The following GREB1L variants were observed in gnomAD, a reference collection of about 807,000 sequenced individuals.
GREB1L encodes GREB1-like protein.
Under a neutral mutation model 200.8 loss-of-function variants are expected in GREB1L, and 17 were observed. That is an observed-to-expected ratio of 0.08 (90% confidence interval 0.06 to 0.13). GREB1L has a LOEUF of 0.13. GREB1L is among the 10% of genes least tolerant of loss of function. GREB1L has a pLI of 1.00. For synonymous variants in GREB1L, 789 were observed against 893.0 expected, an observed-to-expected ratio of 0.88 and a Z score of 2.08; for missense variants, 1,657 against 2,367.7, an observed-to-expected ratio of 0.70 and a Z score of 6.23.
intron 4 of GREB1L, among the ~76,000 whole-genome samples, chr18:21,388,462 T>C (rs2040635175): frequency 6.6e-6 from 1 of 151,552 alleles, no homozygotes; most frequent in East Asian, 1.9e-4. Flanking sequence ...TTTTTCCTAA[T>C]ATCCTTTTCC....
intron 1 of GREB1L, among the ~76,000 whole-genome samples, chr18:21,326,218 C>T (rs1453813775): frequency 2.0e-5 from 3 of 151,682 alleles, no homozygotes; most frequent in Admixed American, 6.6e-5. Context: ...ATGATACCCA[C>T]GTTTTTGCGA....
intron 2 of GREB1L, among the ~76,000 whole-genome samples, chr18:21,380,962 G>A (rs1371725108): frequency 3.9e-5 from 6 of 152,210 alleles, no homozygotes; most frequent in South Asian, 4.2e-4. Flanking sequence ...AGCCAGGCAC[G>A]CCGGGCGCGG....
chr18:21,440,127 C>T, intron 8 of GREB1L, 142 bp from the exon 9 acceptor site: 3 of 818,224 alleles, frequency 3.7e-6, no homozygotes, highest in Admixed American at 3.1e-5. Context: ...TAAACTTTAC[C>T]TCTAAAGGAG....
At chr18:21,521,707 C>A (rs901789553) in intron 32 of GREB1L, among the ~76,000 whole-genome samples, 6 of 151,762 alleles carry the variant, frequency 4.0e-5, no homozygotes, top group Non-Finnish European at 8.8e-5. Context: ...AAACATCCTA[C>A]AAGACACAGA....
At chr18:21,251,892 CTGGG>C (rs2037710970) in intron 1 of GREB1L, among the ~76,000 whole-genome samples, 1 of 142,360 alleles carries the variant, frequency 7.0e-6, no homozygotes, top group Admixed American at 7.4e-5. Flanking sequence ...TTGCAGTGAG[CTGGG>C]ATTGTGCCAG....
chr18:21,366,393 A>G (rs1223067199), intron 2 of GREB1L, among the ~76,000 whole-genome samples: 3 of 151,946 alleles, frequency 2.0e-5, no homozygotes, highest in Non-Finnish European at 4.4e-5. Flanking sequence ...ATAAGAATTC[A>G]GTTCTTTATT....
intron 23 of GREB1L, among the ~76,000 whole-genome samples, chr18:21,501,582 C>CA (rs1269294711): frequency 6.6e-6 from 1 of 151,796 alleles, no homozygotes; most frequent in Non-Finnish European, 1.5e-5. Flanking sequence ...TTTATGGCTG[C>CA]AAAAAAGTGT....
intron 27 of GREB1L, among the ~76,000 whole-genome samples, chr18:21,513,035 G>A (rs567292918): frequency 3.3e-5 from 5 of 152,168 alleles, no homozygotes; most frequent in Admixed American, 6.5e-5. Flanking sequence ...AACATTCACC[G>A]AGTACTTAGA....
chr18:21,313,804 A>C (rs1231627856), intron 1 of GREB1L, among the ~76,000 whole-genome samples: 1 of 152,190 alleles, frequency 6.6e-6, no homozygotes, highest in Admixed American at 6.5e-5. Context: ...ATTTCTTAGA[A>C]TCTGCCAAAG....
chr18:21,380,092 A>G (rs2040241660), intron 2 of GREB1L, among the ~76,000 whole-genome samples: 1 of 152,224 alleles, frequency 6.6e-6, no homozygotes, highest in Non-Finnish European at 1.5e-5. Flanking sequence ...TTGCCAAAAT[A>G]GGACCCTGGC....
intron 1 of GREB1L, among the ~76,000 whole-genome samples, chr18:21,254,671 A>C (rs1410312775): frequency 6.6e-6 from 1 of 152,102 alleles, no homozygotes; most frequent in East Asian, 1.9e-4. Flanking sequence ...TTCTTGGGTT[A>C]ATTTGGGTGC....
chr18:21,438,940 G>A (rs1251556313), intron 7 of GREB1L, among the ~76,000 whole-genome samples: 1 of 124,294 alleles, frequency 8.0e-6, no homozygotes. Flanking sequence ...CAGCCTGGGC[G>A]ACAGAGTGAG....
At chr18:21,340,515 A>G (rs1322970127) in intron 1 of GREB1L, among the ~76,000 whole-genome samples, 2 of 152,042 alleles carry the variant, frequency 1.3e-5, no homozygotes, top group Admixed American at 1.3e-4. Flanking sequence ...TGGTAATTTT[A>G]TAAAGATTAA....
At chr18:21,387,106 A>G (rs1413419682) in intron 4 of GREB1L, among the ~76,000 whole-genome samples, 1 of 152,222 alleles carries the variant, frequency 6.6e-6, no homozygotes. Flanking sequence ...AAATTATCGG[A>G]GTAGTGTAGG....
intron 1 of GREB1L, among the ~76,000 whole-genome samples, chr18:21,305,983 T>G (rs760080023): frequency 6.6e-5 from 10 of 152,222 alleles, no homozygotes; most frequent in Non-Finnish European, 1.5e-4. Context: ...TCCCTGAACA[T>G]CTCATCTAAA....
rs2037622325 is a variant in GREB1L, at chr18:21,522,577, T to C, written c.5609-81T>C. On this transcript the variant is annotated intron_variant, in intron 32 of 32. Coordinates refer to ENST00000424526, the MANE Select transcript of GREB1L (RefSeq NM_001142966.3). ...TCTGTTGGTTCTCAGATGTGTTAGCTTAGGAAATATAATCAGAGATAAAGT... is the reference window on the plus strand; with the variant it reads ...TCTGTTGGTTCTCAGATGTGTTAGCCTAGGAAATATAATCAGAGATAAAGT... 1.6e-5 allele frequency: 18 copies of C among 1,122,398 alleles called. No individual in the cohort carries two copies. The South Asian group carries it at 3.4e-4, about 21-fold the overall frequency. The allele number at this position is 1,122,398 out of a possible 1,614,324, so 69.5% of individuals were successfully genotyped here. A position where few individuals can be genotyped will look rare whatever the true frequency, so the allele number is the denominator to read the frequency against.
chr18:21,355,500 C>G (rs1415510330), intron 1 of GREB1L, among the ~76,000 whole-genome samples: 1 of 152,076 alleles, frequency 6.6e-6, no homozygotes, highest in Non-Finnish European at 1.5e-5. Context: ...CCTTCTTGTT[C>G]AATATTTTAT....
chr18:21,499,829 G>C lies in GREB1L; in HGVS notation c.3492G>C (p.Gly1164=), dbSNP rs1397674356. The part of the protein sequence containing the change: ...PSFQSPATSL[G]LDEGVSASSA... ...TTCAGAGCCCAGCCACCAGCTTGGG[G>C]CTGGATGAAGGGGTCTCCGCCAGCT... is the stretch of plus-strand genomic sequence containing the variant. The change falls in exon 22 of 33, where the codon GGG becomes GGC. Residue 1164 remains glycine, a synonymous_variant. Transcript: ENST00000424526. 6.4e-7 allele frequency: 1 copy of C among 1,551,794 alleles called. No homozygotes were observed. Among genetic ancestry groups the C allele is most frequent in the Admixed American group, 2.0e-5 (1 of 50,998 alleles).
At chr18:21,431,472 T>C (rs182418150) in intron 7 of GREB1L, among the ~76,000 whole-genome samples, 1 of 152,352 alleles carries the variant, frequency 6.6e-6, no homozygotes, top group East Asian at 1.9e-4. Context: ...CTCTTGAGTT[T>C]AGATAATGTA....
Sources: gnomAD v4.1 joint callset for allele counts (sites outside exome capture counted in the v4.1 genomes callset) on GRCh38, gnomAD v4.1.1 for gene constraint, MANE v1.5 for transcripts, NCBI Gene and HGNC (gene_info 2026-07-23, HGNC 2026-07-21) for gene names.